Variants in EPS8 observed in about 807,000 individuals in gnomAD.
EPS8 encodes the protein epidermal growth factor receptor kinase substrate 8.
EPS8 carries 42 observed loss-of-function variants against 103.8 expected under a neutral mutation model. That is an observed-to-expected ratio of 0.40 (90% confidence interval 0.32 to 0.52). The LOEUF (loss-of-function observed/expected upper bound fraction) is 0.52. Among genes scored for constraint, EPS8 ranks in the 20% least tolerant of loss-of-function variants. EPS8 has a pLI of 0.40. For synonymous variants in EPS8, 344 were observed against 344.6 expected, an observed-to-expected ratio of 1.00 and a Z score of 0.02; for missense variants, 969 against 1,005.1, an observed-to-expected ratio of 0.96 and a Z score of 0.49.
chr12:15,756,996 C>T (rs1946992531), intron 1 of EPS8, among the ~76,000 whole-genome samples: 1 of 152,078 alleles, frequency 6.6e-6, no homozygotes, highest in Non-Finnish European at 1.5e-5. Flanking sequence ...TCAGTTGAAT[C>T]ATCTTGAAAT....
intron 1 of EPS8, among the ~76,000 whole-genome samples, chr12:15,723,280 C>T (rs761425342): frequency 2.0e-5 from 3 of 152,110 alleles, no homozygotes; most frequent in Admixed American, 6.5e-5. Context: ...CACTGCACTC[C>T]AGCCTGAGCA....
In EPS8 at chr12:15,759,836, T is replaced by C. The variant is rs1591924868; in HGVS notation, c.-22+29325A>G. On this transcript the variant is annotated intron_variant, in intron 1 of 20. Coordinates refer to ENST00000281172, the MANE Select transcript of EPS8 (RefSeq NM_004447.6). The surrounding 1 kb of genome is among the most constrained non-coding windows in gnomAD (Gnocchi z 4.9). ...CAAAAGCAGTACTAACAGGAAAGTT[T>C]ATAGCTATAAGTGCCTACATCAAAA... Among the ~76,000 whole-genome samples, 2 of 152,134 alleles carry C rather than the reference T, an allele frequency of 1.3e-5. No homozygotes were observed. Among genetic ancestry groups the C allele is most frequent in the East Asian group, 3.9e-4 (2 of 5,190 alleles).
intron 8 of EPS8, chr12:15,662,548 T>C: frequency 2.0e-6 from 2 of 986,280 alleles, no homozygotes; most frequent in Non-Finnish European, 2.4e-6. Flanking sequence ...TTCGGAGTTC[T>C]GACAGCAGAG....
rs1944853517 is a variant in EPS8 at position 15,621,011 on chromosome 12, CA to C, written c.*305del. On this transcript the variant is annotated 3_prime_UTR_variant, in exon 21 of 21. Transcript: ENST00000281172. The stretch of plus-strand genomic sequence containing the variant: ...TTGCAGTGAATAACTCCACCACTAT[CA>C]AAACAATTCCTGTTTATACCCTGGG... The C allele has an allele frequency of 4.1e-6, 1 of 241,684 alleles. No individual in the cohort carries two copies. The highest frequency in any genetic ancestry group is 5.9e-5 in the Admixed American group (1 of 17,094). 15.0% of individuals were successfully genotyped at this position (241,684 alleles called of 1,614,324 possible).
chr12:15,654,989 T>TA (rs537283364), intron 12 of EPS8, among the ~76,000 whole-genome samples: 36 of 149,418 alleles, frequency 2.4e-4, no homozygotes, highest in South Asian at 1.3e-3. Context: ...ATTTTCTGGC[T>TA]AAAAAAAAAA....
chr12:15,680,662 C>A (rs1168170411), intron 3 of EPS8, among the ~76,000 whole-genome samples: 1 of 152,000 alleles, frequency 6.6e-6, no homozygotes, highest in Non-Finnish European at 1.5e-5. Context: ...ACATATGTGG[C>A]AAACTTCAGG....
rs191932763 is a variant in EPS8, at chr12:15,640,570, C to T, written c.1821+133G>A. 2,894 of 666,718 alleles carry T rather than the reference C, an allele frequency of 4.3e-3. 16 individuals are homozygous for T. Among genetic ancestry groups the T allele is most frequent in the Middle Eastern group, 0.015 (37 of 2,490 alleles). The allele number at this position is 666,718 out of a possible 1,614,324, so 41.3% of individuals were successfully genotyped here. A position where few individuals can be genotyped will look rare whatever the true frequency, so the allele number is the denominator to read the frequency against. On this transcript the variant is annotated intron_variant, in intron 17 of 20. Transcript: ENST00000281172. The stretch of plus-strand genomic sequence containing the variant: ...TCTCTCACCATTGCCACTCCCCCAC[C>T]AATTACTCTAGAAAAAATATATAAC...
chr12:15,708,542 C>G (rs1011319087), intron 1 of EPS8, among the ~76,000 whole-genome samples: 4 of 152,162 alleles, frequency 2.6e-5, no homozygotes, highest in African/African-American at 9.7e-5. Flanking sequence ...CAAAGTGAGA[C>G]AGCCAGGCAA....
Position 15,631,680 on chromosome 12 carries a change from T to C in EPS8, c.1822-16A>G, listed in dbSNP as rs760257087. ...TCCTTTGTTTCTATAAAAAGACAAATAATTAACTTAAAATTTAAAAAATAT... is the reference window on the plus strand; with the variant it reads ...TCCTTTGTTTCTATAAAAAGACAAACAATTAACTTAAAATTTAAAAAATAT... On this transcript the variant is annotated splice_polypyrimidine_tract_variant and intron_variant, in intron 17 of 20. Transcript: ENST00000281172. The C allele has an allele frequency of 6.4e-7, 1 of 1,569,206 alleles. No individual in the cohort carries two copies. The highest frequency in any genetic ancestry group is 8.7e-7 in the Non-Finnish European group (1 of 1,155,194).
chr12:15,623,077 A>C, intron 20 of EPS8, 81 bp downstream of exon 20: 2 of 1,341,896 alleles, frequency 1.5e-6, no homozygotes, highest in Non-Finnish European at 2.0e-6. Flanking sequence ...AGAAAGGGAA[A>C]TTGGCCAATA....
At chr12:15,712,727 C>CAAAG in intron 1 of EPS8, 1 of 341,244 alleles carries the variant, frequency 2.9e-6, no homozygotes, top group Non-Finnish European at 4.1e-6. Context: ...AAAAAGCAAT[C>CAAAG]AAAGGGCTTA....
Position 15,760,228 on chromosome 12 carries a change from A to G in EPS8, c.-22+28933T>C, listed in dbSNP as rs1436516745. Among the ~76,000 whole-genome samples, 1 of 152,088 alleles carries G rather than the reference A, an allele frequency of 6.6e-6. No individual in the cohort carries two copies. The highest frequency in any genetic ancestry group is 1.5e-5 in the Non-Finnish European group (1 of 67,976). ...AAGAAATGGACAAATTCCTAGACAC[A>G]CACAACCTACTAAGATTGAACTATG... On this transcript the variant is annotated intron_variant, in intron 1 of 20. Coordinates refer to ENST00000281172, the MANE Select transcript of EPS8 (RefSeq NM_004447.6). This position sits in a 1 kb window ranked among gnomAD's most constrained non-coding sequence, Gnocchi z 4.5.
In EPS8 at chr12:15,745,205, C is replaced by T. The variant is rs1946863876; in HGVS notation, c.-22+43956G>A. On this transcript the variant is annotated intron_variant, in intron 1 of 20. Transcript: ENST00000281172. The surrounding 1 kb of genome is among the most constrained non-coding windows in gnomAD (Gnocchi z 4.6). The stretch of plus-strand genomic sequence containing the variant: ...CATTATTTGTAAAGAAAAACTCTAC[C>T]TGTTTCAAAGAAATGAGTATAAAAG... Among the ~76,000 whole-genome samples, 1 of 152,074 alleles carries T rather than the reference C, an allele frequency of 6.6e-6. No homozygotes were observed. Among genetic ancestry groups the T allele is most frequent in the Non-Finnish European group, 1.5e-5 (1 of 68,018 alleles).
At chr12:15,712,241 TA>T (rs563686136) in intron 1 of EPS8, among the ~76,000 whole-genome samples, 74 of 146,888 alleles carry the variant, frequency 5.0e-4, no homozygotes, top group African/African-American at 1.0e-3. Context: ...ACATGGGCTT[TA>T]AAAAAAAAAA....
intron 1 of EPS8, among the ~76,000 whole-genome samples, chr12:15,775,414 T>C (rs1947198160): frequency 6.6e-6 from 1 of 152,162 alleles, no homozygotes; most frequent in South Asian, 2.1e-4. Context: ...AGTACTGATA[T>C]ACTGTAATTT....
chr12:15,788,365 C>T (rs934037795), intron 1 of EPS8, among the ~76,000 whole-genome samples: 5 of 152,176 alleles, frequency 3.3e-5, no homozygotes, highest in Admixed American at 1.3e-4. Context: ...CCACGGCGTC[C>T]TGCCCCCCGC....
At position 15,690,263 on chromosome 12, in the gene EPS8, G is replaced by C. The variant is rs2135911716; in HGVS notation, c.-21-7291C>G. Reference sequence around the variant, plus strand: ...GGTATCTTTAGGCAACTGCTGTACTGATTCATCCCACTTCTCTAAATCATA... The same window carrying C: ...GGTATCTTTAGGCAACTGCTGTACTCATTCATCCCACTTCTCTAAATCATA... On this transcript the variant is annotated intron_variant, in intron 1 of 20. Transcript: ENST00000281172. This position sits in a 1 kb window ranked among gnomAD's most constrained non-coding sequence, Gnocchi z 4.7. Among the ~76,000 whole-genome samples the C allele has an allele frequency of 6.6e-6, 1 of 152,222 alleles. No individual in the cohort carries two copies. Among genetic ancestry groups the C allele is most frequent in the Middle Eastern group, 3.4e-3 (1 of 294 alleles).
intron 15 of EPS8, among the ~76,000 whole-genome samples, chr12:15,643,605 G>T (rs533729197): frequency 6.6e-6 from 1 of 152,130 alleles, no homozygotes; most frequent in Non-Finnish European, 1.5e-5. Context: ...TGGGCACGGT[G>T]GCACATGCCT....
Position 15,654,301 on chromosome 12 carries a change from A to G in EPS8, c.1102-8T>C, listed in dbSNP as rs767687984. 3.1e-6 allele frequency: 5 copies of G among 1,610,758 alleles called. No individual in the cohort carries two copies. The highest frequency in any genetic ancestry group is 4.5e-5 in the East Asian group (2 of 44,862). The stretch of plus-strand genomic sequence containing the variant: ...TCCTGTTGCCTGCACCACCTAAGAT[A>G]ATAAACCATTTTTTAGCAAGAAGAT... On this transcript the variant is annotated splice_region_variant and splice_polypyrimidine_tract_variant and intron_variant, in intron 12 of 20. Coordinates refer to ENST00000281172, the MANE Select transcript of EPS8 (RefSeq NM_004447.6).
Sources: allele counts gnomAD v4.1 joint callset (sites outside exome capture counted in the v4.1 genomes callset), GRCh38; gene constraint gnomAD v4.1.1; non-coding constraint Gnocchi (gnomAD v3.1); transcripts MANE v1.5; gene names NCBI Gene and HGNC (gene_info 2026-07-23, HGNC 2026-07-21).